NFASC: variants seen among roughly 807,000 people sequenced by gnomAD.
NFASC encodes the protein neurofascin.
In NFASC, 43 loss-of-function variants were observed where a neutral mutation model predicts 147.5. That is an observed-to-expected ratio of 0.29 (90% CI 0.23 to 0.38). The LOEUF (loss-of-function observed/expected upper bound fraction) is 0.38. NFASC is among the 10% of genes least tolerant of loss of function. The pLI, the probability that NFASC is intolerant of heterozygous loss-of-function variation, is 1.00. For synonymous variants in NFASC, 622 were observed against 665.5 expected, an observed-to-expected ratio of 0.93 and a Z score of 1.01; for missense variants, 1,320 against 1,689.0, an observed-to-expected ratio of 0.78 and a Z score of 3.83.
At chr1:204,883,852 G>A (rs887168922) in intron 1 of NFASC, among the ~76,000 whole-genome samples, 3 of 152,332 alleles carry the variant, frequency 2.0e-5, no homozygotes, top group Middle Eastern at 3.4e-3. Context: ...ATGCTGCAGG[G>A]ATGAGTGGTG....
At chr1:204,974,027 G>A (rs1284574964) in intron 12 of NFASC, 152 bp from the exon 13 acceptor site, 3 of 630,044 alleles carry the variant, frequency 4.8e-6, no homozygotes, top group Non-Finnish European at 8.5e-6. Flanking sequence ...CTAATCCTTA[G>A]GGGCTTCCTG....
chr1:204,906,811 G>A (rs978964403), intron 1 of NFASC, among the ~76,000 whole-genome samples: 2 of 151,628 alleles, frequency 1.3e-5, no homozygotes, highest in Non-Finnish European at 2.9e-5. Flanking sequence ...GCCTCCCCGA[G>A]TAGCTGGGAC....
In NFASC at chr1:204,968,686, A is replaced by G. The variant is rs73069111; in HGVS notation, c.819-112A>G. On this transcript the variant is annotated intron_variant, in intron 9 of 29. Transcript: ENST00000339876. The surrounding 1 kb of genome is among the most constrained non-coding windows in gnomAD (Gnocchi z 5.4). Reference sequence around the variant, plus strand: ...AAAGATCAGCTTTTAGAGGACATGCATCCTCCTGGGCCCAAGTATACTTTT... The same window carrying G: ...AAAGATCAGCTTTTAGAGGACATGCGTCCTCCTGGGCCCAAGTATACTTTT... The G allele has an allele frequency of 2.6e-3, 2,349 of 919,984 alleles. 23 individuals carry two copies. In the African/African-American group the frequency reaches 0.035, roughly 14 times the overall value. 57.0% of individuals were successfully genotyped at this position (919,984 alleles called of 1,614,324 possible). A position where few individuals can be genotyped will look rare whatever the true frequency, so the allele number is the denominator to read the frequency against.
At chr1:204,944,494 T>C (rs1267233984) in intron 3 of NFASC, 88 bp downstream of exon 3, 1 of 989,116 alleles carries the variant, frequency 1.0e-6, no homozygotes, top group Non-Finnish European at 1.5e-6. Context: ...AAAGTTCAGA[T>C]AATCCAAGGA....
At chr1:204,881,886 G>A (rs2080314432) in intron 1 of NFASC, among the ~76,000 whole-genome samples, 1 of 152,056 alleles carries the variant, frequency 6.6e-6, no homozygotes, top group Non-Finnish European at 1.5e-5. Flanking sequence ...CTTGATATCT[G>A]ACTAGGTTCC....
In NFASC at chr1:204,984,382, CATATATAT is replaced by C. The variant is rs55787898; in HGVS notation, c.2470+2384_2470+2391del. On this transcript the variant is annotated intron_variant, in intron 21 of 29. Coordinates refer to ENST00000339876, the MANE Select transcript of NFASC (RefSeq NM_001005388.3). ...ATGTGTGTGTGTGTATATATATACG[CATATATAT>C]ATATATATATATATATATATACACC... is the stretch of plus-strand genomic sequence containing the variant. 832 of 134,130 alleles carry C rather than the reference CATATATAT, an allele frequency of 6.2e-3. 6 individuals are homozygous for C. Among genetic ancestry groups the C allele is most frequent in the African/African-American group, 8.9e-3 (297 of 33,538 alleles). 8.3% of individuals were successfully genotyped at this position (134,130 alleles called of 1,614,324 possible).
chr1:204,912,643 C>T (rs962030525), intron 1 of NFASC, among the ~76,000 whole-genome samples: 1 of 151,870 alleles, frequency 6.6e-6, no homozygotes, highest in Non-Finnish European at 1.5e-5. Flanking sequence ...TTCGATGCAG[C>T]AGTGAGCTAT....
intron 8 of NFASC, among the ~76,000 whole-genome samples, chr1:204,964,748 T>C (rs2094856688): frequency 6.6e-6 from 1 of 152,078 alleles, no homozygotes; most frequent in Non-Finnish European, 1.5e-5. Context: ...AGCAAAGTGG[T>C]CTGGATGAGG....
At position 204,966,006 on chromosome 1, in the gene NFASC, C is replaced by G. The variant is rs139941908; in HGVS notation, c.707-2243C>G. On this transcript the variant is annotated intron_variant, in intron 8 of 29. Transcript: ENST00000339876. Reference sequence around the variant, plus strand: ...TAAATGGTGGTGTGGATGGAGCTGTCAGCACAGTGCATGGTCCCTAGCAAA... The same window carrying G: ...TAAATGGTGGTGTGGATGGAGCTGTGAGCACAGTGCATGGTCCCTAGCAAA... 4.6e-5 allele frequency among the ~76,000 whole-genome samples: 7 copies of G among 152,318 alleles called. No homozygotes were observed. The East Asian group carries it at 1.4e-3, about 29-fold the overall frequency.
At chr1:204,930,741 C>A (rs1380441231) in intron 2 of NFASC, among the ~76,000 whole-genome samples, 2 of 152,094 alleles carry the variant, frequency 1.3e-5, no homozygotes, top group Non-Finnish European at 2.9e-5. Context: ...AGGGCCTTGG[C>A]AAAAAGGGAA....
Position 204,986,152 on chromosome 1 carries a change from G to A in NFASC, c.2471-1266G>A. ...TGCAGCTCTTCAGGGTGGGGCAGGA[G>A]AAGGGTGGCACACACCTTGGGCCTG... On this transcript the variant is annotated intron_variant, in intron 21 of 29. Coordinates refer to ENST00000339876, the MANE Select transcript of NFASC (RefSeq NM_001005388.3). This position sits in a 1 kb window ranked among gnomAD's most constrained non-coding sequence, Gnocchi z 4.2. 1.3e-6 allele frequency: 2 copies of A among 1,483,496 alleles called. No individual in the cohort carries two copies. The highest frequency in any genetic ancestry group is 1.9e-6 in the Non-Finnish European group (2 of 1,061,364). 91.9% of individuals were successfully genotyped at this position (1,483,496 alleles called of 1,614,324 possible).
chr1:204,868,373 G>A (rs939086128), intron 1 of NFASC, among the ~76,000 whole-genome samples: 1 of 152,202 alleles, frequency 6.6e-6, no homozygotes, highest in Non-Finnish European at 1.5e-5. Context: ...AATCGGAGGA[G>A]CACGACCTGG....
intron 2 of NFASC, among the ~76,000 whole-genome samples, chr1:204,938,023 G>A (rs1247498783): frequency 6.6e-6 from 1 of 152,188 alleles, no homozygotes; most frequent in African/African-American, 2.4e-5. Context: ...ATGTCTCGAC[G>A]CTGCCAGTCT....
In NFASC at chr1:204,979,160, G is replaced by C; in HGVS notation, c.1978+91G>C. ...TTTCCTGGTTTCCAGCCCCACTTCT[G>C]CCTCGCTTGATGTGTGTCCTGGGCT... On this transcript the variant is annotated intron_variant, in intron 18 of 29. Coordinates refer to ENST00000339876, the MANE Select transcript of NFASC (RefSeq NM_001005388.3). The surrounding 1 kb of genome is among the most constrained non-coding windows in gnomAD (Gnocchi z 6.0). 1.7e-6 allele frequency: 2 copies of C among 1,159,274 alleles called. No homozygotes were observed. The highest frequency in any genetic ancestry group is 2.5e-6 in the Non-Finnish European group (2 of 805,240). 71.8% of individuals were successfully genotyped at this position (1,159,274 alleles called of 1,614,324 possible).
Position 204,921,039 on chromosome 1 carries a change from G to C in NFASC, c.-91+299G>C, listed in dbSNP as rs556890059. Among the ~76,000 whole-genome samples the C allele has an allele frequency of 3.9e-5, 6 of 152,268 alleles. No individual in the cohort carries two copies. The South Asian group carries it at 1.2e-3, about 32-fold the overall frequency. ...CAATGTCCACCTAATTGAAAAATTGGGAAACAACTTTGTGACCCACACCCT... is the reference window on the plus strand; with the variant it reads ...CAATGTCCACCTAATTGAAAAATTGCGAAACAACTTTGTGACCCACACCCT... On this transcript the variant is annotated intron_variant, in intron 2 of 29. Transcript: ENST00000339876.
At chr1:205,000,926 G>A (rs1225491317) in intron 25 of NFASC, 4 of 557,258 alleles carry the variant, frequency 7.2e-6, no homozygotes, top group Non-Finnish European at 1.3e-5. Flanking sequence ...CCTCCCGACT[G>A]TACCTGCTTG....
chr1:204,952,033 C>T lies in NFASC; in HGVS notation c.132C>T (p.Thr44=), dbSNP rs1387886388. The T allele has an allele frequency of 6.2e-7, 1 of 1,613,984 alleles. No individual in the cohort carries two copies. Among genetic ancestry groups the T allele is most frequent in the African/African-American group, 1.3e-5 (1 of 74,920 alleles). The part of the protein sequence containing the change: ...QNELTQPPTI[T]KQSAKDHIVD... ...CAGTGACGCAGCCGCCAACCATCAC[C>T]AAGCAGTCAGCGAAGGATCACATCG... The change falls in exon 5 of 30, where the codon ACC becomes ACT. Residue 44 remains threonine, a synonymous_variant. Transcript: ENST00000339876.
intron 24 of NFASC, chr1:204,993,732 T>A (rs759305863): frequency 1.9e-5 from 10 of 515,172 alleles, no homozygotes; most frequent in Admixed American, 5.9e-5. Context: ...AACCTGTAGC[T>A]CCTATTGCGG....
intron 1 of NFASC, among the ~76,000 whole-genome samples, chr1:204,864,609 G>A (rs2076970820): frequency 1.3e-5 from 2 of 152,122 alleles, no homozygotes; most frequent in Non-Finnish European, 2.9e-5. Context: ...GTTTTGATTT[G>A]CATTTCCCTA....
Sources: gnomAD v4.1 joint callset for allele counts (sites outside exome capture counted in the v4.1 genomes callset) on GRCh38, gnomAD v4.1.1 for gene constraint, Gnocchi (gnomAD v3.1) non-coding constraint, MANE v1.5 for transcripts, NCBI Gene and HGNC (gene_info 2026-07-23, HGNC 2026-07-21) for gene names.